The following PPP2R5B variants were observed in gnomAD, a reference collection of about 807,000 sequenced individuals.
PPP2R5B encodes serine/threonine-protein phosphatase 2A 56 kDa regulatory subunit beta isoform.
In PPP2R5B, 19 loss-of-function variants were observed where a neutral mutation model predicts 59.9. The ratio of observed to expected loss-of-function variants is 0.32; its 90% CI spans 0.22 to 0.47. The LOEUF is 0.47. Among genes scored for constraint, PPP2R5B ranks in the 20% least tolerant of loss-of-function variants. The probability of loss-of-function intolerance (pLI) is 1.00; values close to 1 mark genes in which losing one functional copy is unlikely to be tolerated. For missense variants in PPP2R5B, 441 were observed against 640.2 expected (o/e 0.69, Z 3.36); for synonymous variants, 286 against 260.5 (o/e 1.10, Z -0.94).
In PPP2R5B at chr11:64,925,649, G is replaced by C. The variant is rs1281878071; in HGVS notation, c.-86G>C. The C allele has an allele frequency of 1.8e-5, 11 of 614,064 alleles. No homozygotes were observed. Among genetic ancestry groups the C allele is most frequent in the Non-Finnish European group, 3.1e-5 (11 of 360,396 alleles). The allele number at this position is 614,064 out of a possible 1,614,324, so 38.0% of individuals were successfully genotyped here. A position where few individuals can be genotyped will look rare whatever the true frequency, so the allele number is the denominator to read the frequency against. Reference sequence around the variant, plus strand: ...CAAAGGCCGGACAGGATGGGACCAAGTTAGTCTGTCCAGTCTCACCCAGCA... The same window carrying C: ...CAAAGGCCGGACAGGATGGGACCAACTTAGTCTGTCCAGTCTCACCCAGCA... On this transcript the variant is annotated 5_prime_UTR_variant, in exon 2 of 14. Coordinates refer to ENST00000164133, the MANE Select transcript of PPP2R5B (RefSeq NM_006244.4). This position sits in a 1 kb window ranked among gnomAD's most constrained non-coding sequence, Gnocchi z 4.6.
rs367672890 is a variant in PPP2R5B, at chr11:64,931,251, G to C, written c.892-185G>C. Among the ~76,000 whole-genome samples, 1 of 152,188 alleles carries C rather than the reference G, an allele frequency of 6.6e-6. No individual in the cohort carries two copies. On this transcript the variant is annotated intron_variant, in intron 8 of 13. Coordinates refer to ENST00000164133, the MANE Select transcript of PPP2R5B (RefSeq NM_006244.4). The surrounding 1 kb of genome is among the most constrained non-coding windows in gnomAD (Gnocchi z 5.0). Reference sequence around the variant, plus strand: ...TGTCCCCACTCCCCGCGAGATCAGAGTTGTATTCCCAGCACACTGAATGTG... The same window carrying C: ...TGTCCCCACTCCCCGCGAGATCAGACTTGTATTCCCAGCACACTGAATGTG...
intron 1 of PPP2R5B, among the ~76,000 whole-genome samples, chr11:64,919,608 G>A (rs570385294): frequency 1.2e-4 from 18 of 151,856 alleles, no homozygotes; most frequent in Non-Finnish European, 2.5e-4. Flanking sequence ...AAAATTAGCC[G>A]GGCGTGGTGG....
rs1945259320 is a variant in PPP2R5B at position 64,934,018 on chromosome 11, G to T, written c.*174G>T. 1.3e-6 allele frequency: 1 copy of T among 787,168 alleles called. No individual in the cohort carries two copies. The highest frequency in any genetic ancestry group is 1.8e-6 in the Non-Finnish European group (1 of 544,846). 48.8% of individuals were successfully genotyped at this position (787,168 alleles called of 1,614,324 possible). On this transcript the variant is annotated 3_prime_UTR_variant, in exon 14 of 14. Transcript: ENST00000164133. ...GGGGAGACGAGGAGAGGCAATGGTG[G>T]TCTTGGCAACAGAATGCTCAGCCCC...
chr11:64,933,651 T>A, intron 13 of PPP2R5B, 46 bp from the exon 14 acceptor site: 1 of 1,528,858 alleles, frequency 6.5e-7, no homozygotes, highest in Non-Finnish European at 8.8e-7. Context: ...GAGTCTGGAC[T>A]GTGGGGGGCC....
At position 64,927,804 on chromosome 11, in the gene PPP2R5B, C is replaced by T. The variant is rs752867685; in HGVS notation, c.399C>T (p.Ile133=). 1 of 1,597,408 alleles carries T rather than the reference C, an allele frequency of 6.3e-7. No individual in the cohort carries two copies. Among genetic ancestry groups the T allele is most frequent in the Non-Finnish European group, 8.6e-7 (1 of 1,164,882 alleles). ...EPVYPDIIRM[I]SVNIFRTLPP... ...TGAACCCCAACTCTGCCACTCAGATCTCAGTGAATATCTTCCGGACTCTGC... is the reference window on the plus strand; with the variant it reads ...TGAACCCCAACTCTGCCACTCAGATTTCAGTGAATATCTTCCGGACTCTGC... The change falls in exon 4 of 14, where the codon ATC becomes ATT. Residue 133 remains isoleucine, a splice_region_variant and synonymous_variant. Coordinates refer to ENST00000164133, the MANE Select transcript of PPP2R5B (RefSeq NM_006244.4).
intron 8 of PPP2R5B, 74 bp downstream of exon 8, chr11:64,930,663 G>C: frequency 8.3e-7 from 1 of 1,211,816 alleles, no homozygotes; most frequent in Non-Finnish European, 1.2e-6. Context: ...CTGGAGGTCA[G>C]ATCCTCCAGG....
chr11:64,923,238 A>C (rs1215352039), upstream of PPP2R5B: 1 of 152,446 alleles, frequency 6.6e-6, no homozygotes, highest in Admixed American at 6.5e-5. Flanking sequence ...TGGGAGGTGG[A>C]AGCCTGGCCC....
At chr11:64,928,499 A>G (rs1945193238) in intron 6 of PPP2R5B, 74 bp downstream of exon 6, 2 of 1,598,448 alleles carry the variant, frequency 1.3e-6, no homozygotes, top group African/African-American at 2.7e-5. Context: ...GGCAAAGGCC[A>G]TGTGCGGTGG....
chr11:64,920,600 G>A (rs1011270425), upstream of PPP2R5B, among the ~76,000 whole-genome samples: 19 of 151,374 alleles, frequency 1.3e-4, no homozygotes, highest in South Asian at 6.3e-4. Flanking sequence ...ATTCTGCAAC[G>A]AAGTCCCAAG....
rs2136679045 is a variant in PPP2R5B, at chr11:64,925,905, A to G, written c.171A>G (p.Gln57=). 6.2e-7 allele frequency: 1 copy of G among 1,611,994 alleles called. No homozygotes were observed. Among genetic ancestry groups the G allele is most frequent in the South Asian group, 1.1e-5 (1 of 91,018 alleles). ...AGTTCCGCTATCAGAGCAACCAGCA[A>G]GAGCTCACACCGCTGCCCCTGCTCA... ...SSQFRYQSNQ[Q]ELTPLPLLKD... is the part of the protein sequence containing the mutation. Residue 57 remains glutamine (Q), a synonymous_variant, in exon 2 of 14, where the codon CAA becomes CAG. Coordinates refer to ENST00000164133, the MANE Select transcript of PPP2R5B (RefSeq NM_006244.4). This position sits in a 1 kb window ranked among gnomAD's most constrained non-coding sequence, Gnocchi z 4.6.
chr11:64,925,626 AAG>A lies in PPP2R5B; in HGVS notation c.-108_-107del. 3.4e-6 allele frequency: 1 copy of A among 297,262 alleles called. No individual in the cohort carries two copies. The highest frequency in any genetic ancestry group is 5.8e-6 in the Non-Finnish European group (1 of 171,078). 18.4% of individuals were successfully genotyped at this position (297,262 alleles called of 1,614,324 possible). ...GGACTGTGGTTGTGCCCCCCCCCCAAAGGCCGGACAGGATGGGACCAAGTTAG... is the reference window on the plus strand; with the variant it reads ...GGACTGTGGTTGTGCCCCCCCCCCAAGCCGGACAGGATGGGACCAAGTTAG... On this transcript the variant is annotated 5_prime_UTR_variant, in exon 2 of 14. Transcript: ENST00000164133. The surrounding 1 kb of genome is among the most constrained non-coding windows in gnomAD (Gnocchi z 4.6).
rs1314622352 is a variant in PPP2R5B at position 64,933,832 on chromosome 11, G to A, written c.1482G>A (p.Gly494=). The part of the protein sequence containing the change: ...QRLTPQVAAS[G]GQS Reference sequence around the variant, plus strand: ...TTACACCCCAGGTGGCCGCCAGTGGGGGTCAGAGCTAGACAGCACCTCAGA... The same window carrying A: ...TTACACCCCAGGTGGCCGCCAGTGGAGGTCAGAGCTAGACAGCACCTCAGA... Residue 494 remains glycine, a synonymous_variant, in exon 14 of 14, where the codon GGG becomes GGA. Transcript: ENST00000164133. The A allele has an allele frequency of 1.3e-6, 2 of 1,546,946 alleles. No homozygotes were observed. The highest frequency in any genetic ancestry group is 1.7e-6 in the Non-Finnish European group (2 of 1,145,816).
At chr11:64,923,494 C>G (rs1255175876), upstream of PPP2R5B, among the ~76,000 whole-genome samples, 2 of 152,248 alleles carry the variant, frequency 1.3e-5, no homozygotes, top group Non-Finnish European at 2.9e-5. Context: ...AGAGCACTTG[C>G]TGGGTCTCCA....
chr11:64,924,227 C>T (rs1211647446), upstream of PPP2R5B: 1 of 152,290 alleles, frequency 6.6e-6, no homozygotes, highest in African/African-American at 2.4e-5. Context: ...AGCACTGACT[C>T]ATCGCAGACT....
chr11:64,922,154 G>A (rs1327245043), upstream of PPP2R5B, among the ~76,000 whole-genome samples: 1 of 151,680 alleles, frequency 6.6e-6, no homozygotes, highest in Non-Finnish European at 1.5e-5. Context: ...AGAGGTTGCA[G>A]TGAGCCAGGA....
Position 64,932,750 on chromosome 11 carries a change from T to A in PPP2R5B, c.1117-15T>A. The A allele has an allele frequency of 6.2e-7, 1 of 1,612,862 alleles. No individual in the cohort carries two copies. Among genetic ancestry groups the A allele is most frequent in the Non-Finnish European group, 8.5e-7 (1 of 1,179,288 alleles). Reference sequence around the variant, plus strand: ...CCACTGCCAGTTAATCACTCTGCCATCTTGTCTGCCCCAGGTTGCAGAGCG... The same window carrying A: ...CCACTGCCAGTTAATCACTCTGCCAACTTGTCTGCCCCAGGTTGCAGAGCG... On this transcript the variant is annotated splice_polypyrimidine_tract_variant and intron_variant, in intron 11 of 13. Coordinates refer to ENST00000164133, the MANE Select transcript of PPP2R5B (RefSeq NM_006244.4).
At chr11:64,928,482 A>G in intron 6 of PPP2R5B, 57 bp downstream of exon 6, 2 of 1,610,684 alleles carry the variant, frequency 1.2e-6, no homozygotes, top group Non-Finnish European at 1.7e-6. Flanking sequence ...GGCTGTTAGA[A>G]GACTGCGGCA....
chr11:64,934,290 G>C lies in PPP2R5B; in HGVS notation c.*446G>C. The C allele has an allele frequency of 4.0e-6, 1 of 252,622 alleles. No individual in the cohort carries two copies. The highest frequency in any genetic ancestry group is 7.6e-6 in the Non-Finnish European group (1 of 131,012). The allele number at this position is 252,622 out of a possible 1,614,324, so 15.6% of individuals were successfully genotyped here. ...ACCCTCTACACAGACACTGTCCTGG[G>C]TGCACACTCCTCCCTTCCCTCGCTG... On this transcript the variant is annotated 3_prime_UTR_variant, in exon 14 of 14. Coordinates refer to ENST00000164133, the MANE Select transcript of PPP2R5B (RefSeq NM_006244.4).
intron 1 of PPP2R5B, among the ~76,000 whole-genome samples, chr11:64,917,791 C>A (rs1565089908): frequency 6.6e-6 from 1 of 152,098 alleles, no homozygotes; most frequent in Non-Finnish European, 1.5e-5. Flanking sequence ...CAAAAACAAA[C>A]AAAAATAAAT....
Sources: gnomAD v4.1 joint callset for allele counts (sites outside exome capture counted in the v4.1 genomes callset) on GRCh38, gnomAD v4.1.1 for gene constraint, Gnocchi (gnomAD v3.1) non-coding constraint, MANE v1.5 for transcripts, NCBI Gene and HGNC (gene_info 2026-07-23, HGNC 2026-07-21) for gene names.